Variants in CYSTM1 observed in about 807,000 individuals in gnomAD.
CYSTM1 encodes cysteine rich transmembrane module containing 1, also known as cysteine-rich transmembrane module-containing protein 1.
In CYSTM1, 4 loss-of-function variants were observed where a neutral mutation model predicts 13.1. The ratio of observed to expected loss-of-function variants is 0.31; its 90% CI spans 0.15 to 0.70. The LOEUF (loss-of-function observed/expected upper bound fraction) is 0.70, where lower values mean the gene tolerates loss of function less well. Among genes scored for constraint, CYSTM1 ranks in the 30% least tolerant of loss-of-function variants. CYSTM1 has a pLI of 0.72. For synonymous variants in CYSTM1, 36 were observed against 42.7 expected (o/e 0.84, Z 0.62); for missense variants, 96 against 121.6 (o/e 0.79, Z 0.99).
chr5:140,222,898 A>G (rs1764507790), intron 2 of CYSTM1, among the ~76,000 whole-genome samples: 1 of 152,232 alleles, frequency 6.6e-6, no homozygotes, highest in African/African-American at 2.4e-5. Flanking sequence ...TAGCAGAAGT[A>G]AAAAGGAAAA....
chr5:140,195,491 A>G (rs13167094), intron 2 of CYSTM1, among the ~76,000 whole-genome samples: 34,321 of 144,528 alleles, frequency 0.24, 4,115 homozygotes, highest in African/African-American at 0.28. Context: ...GCCCAGGCTG[A>G]AGTGCAGTGG....
chr5:140,234,595 CCA>C (rs1418291210), intron 2 of CYSTM1, among the ~76,000 whole-genome samples: 2 of 152,124 alleles, frequency 1.3e-5, no homozygotes, highest in Non-Finnish European at 2.9e-5. Context: ...TGTAATTATT[CCA>C]CAGTTAAAGC....
chr5:140,186,687 C>G (rs1764018602), intron 1 of CYSTM1, among the ~76,000 whole-genome samples: 1 of 152,176 alleles, frequency 6.6e-6, no homozygotes, highest in Non-Finnish European at 1.5e-5. Flanking sequence ...TCAGCAGCAC[C>G]TGGAACCCAG....
intron 2 of CYSTM1, among the ~76,000 whole-genome samples, chr5:140,196,009 A>C (rs892976462): frequency 7.5e-6 from 1 of 133,306 alleles, no homozygotes; most frequent in African/African-American, 2.9e-5. Flanking sequence ...CACACCATGC[A>C]CTCTAGCCTG....
intron 1 of CYSTM1, among the ~76,000 whole-genome samples, chr5:140,192,397 T>G (rs535405619): frequency 6.6e-6 from 1 of 152,196 alleles, no homozygotes; most frequent in East Asian, 1.9e-4. Flanking sequence ...CCAGAAGGGT[T>G]CATTACCTTA....
intron 1 of CYSTM1, among the ~76,000 whole-genome samples, chr5:140,187,905 A>G (rs975975742): frequency 6.8e-6 from 1 of 146,758 alleles, no homozygotes; most frequent in Non-Finnish European, 1.5e-5. Context: ...GTGTCTTGTG[A>G]AAAAAAAAAA....
intron 1 of CYSTM1, among the ~76,000 whole-genome samples, chr5:140,179,911 C>T (rs1427153604): frequency 2.6e-5 from 4 of 152,156 alleles, no homozygotes; most frequent in African/African-American, 9.7e-5. Flanking sequence ...GATCCACCCG[C>T]CTCAGCCTCC....
intron 2 of CYSTM1, among the ~76,000 whole-genome samples, chr5:140,222,283 T>A (rs1764501049): frequency 6.6e-6 from 1 of 152,210 alleles, no homozygotes; most frequent in Non-Finnish European, 1.5e-5. Context: ...TATACAACAT[T>A]TAGAATTATT....
intron 2 of CYSTM1, chr5:140,201,184 G>A (rs1764221110): frequency 6.6e-6 from 1 of 152,220 alleles, no homozygotes; most frequent in African/African-American, 2.4e-5. Flanking sequence ...CTGGAGGAAT[G>A]GCATGTGAAT....
chr5:140,192,042 G>A (rs557330634), intron 1 of CYSTM1, among the ~76,000 whole-genome samples: 3 of 152,108 alleles, frequency 2.0e-5, no homozygotes, highest in Non-Finnish European at 4.4e-5. Flanking sequence ...CTTTTTTCCT[G>A]AGTCCCTTTC....
At chr5:140,177,078 A>AAAAAAAAAAAAAC (rs10679899) in intron 1 of CYSTM1, among the ~76,000 whole-genome samples, 15,550 of 134,726 alleles carry the variant, frequency 0.12, 1,430 homozygotes, top group East Asian at 0.15. Context: ...CAAAAAAAAA[A>AAAAAAAAAAAAAC]AAAAAAAAAT....
intron 1 of CYSTM1, among the ~76,000 whole-genome samples, chr5:140,193,844 G>T (rs937297654): frequency 9.2e-5 from 14 of 152,200 alleles, no homozygotes; most frequent in African/African-American, 3.1e-4. Flanking sequence ...TATAAACAGC[G>T]CTGTCCAACT....
intron 2 of CYSTM1, among the ~76,000 whole-genome samples, chr5:140,227,382 T>A (rs1465953642): frequency 6.6e-6 from 1 of 152,080 alleles, no homozygotes; most frequent in African/African-American, 2.4e-5. Context: ...CCTCTCTGGT[T>A]TGAGCTCCTT....
In CYSTM1 at chr5:140,239,601, G is replaced by A. The variant is rs1449106558; in HGVS notation, c.188-3704G>A. ...GCTCAGCTCTTCCCAAAGCTGCTGC[G>A]CACCTGAGACCCAGGGCTTCCTGGG... On this transcript the variant is annotated intron_variant, in intron 2 of 2. Coordinates refer to ENST00000261811, the MANE Select transcript of CYSTM1 (RefSeq NM_032412.4). The surrounding 1 kb of genome is among the most constrained non-coding windows in gnomAD (Gnocchi z 5.4). Among the ~76,000 whole-genome samples the A allele has an allele frequency of 2.0e-5, 3 of 152,208 alleles. No individual in the cohort carries two copies. Among genetic ancestry groups the A allele is most frequent in the Non-Finnish European group, 4.4e-5 (3 of 68,026 alleles).
intron 2 of CYSTM1, among the ~76,000 whole-genome samples, chr5:140,242,961 G>T (rs1253201879): frequency 6.6e-6 from 1 of 152,144 alleles, no homozygotes; most frequent in Non-Finnish European, 1.5e-5. Context: ...CCCAAGAAAT[G>T]ACCCCCAGTT....
chr5:140,182,575 A>G (rs976686856), intron 1 of CYSTM1, among the ~76,000 whole-genome samples: 4 of 150,984 alleles, frequency 2.6e-5, no homozygotes, highest in African/African-American at 9.8e-5. Context: ...GTGCTCTTAG[A>G]AAACTCAGAT....
rs936965487 is a variant in CYSTM1, at chr5:140,219,286, TA to T, written c.188-24018del. On this transcript the variant is annotated intron_variant, in intron 2 of 2. Transcript: ENST00000261811. The surrounding 1 kb of genome is among the most constrained non-coding windows in gnomAD (Gnocchi z 4.1). The stretch of plus-strand genomic sequence containing the variant: ...GTCAGCTTGTGTTACAAAACAGTGT[TA>T]CGAAACAGCAGGAATTGCGGTGGAT... Among the ~76,000 whole-genome samples the T allele has an allele frequency of 8.5e-4, 130 of 152,280 alleles. No individual in the cohort carries two copies. Among genetic ancestry groups the T allele is most frequent in the African/African-American group, 3.0e-3 (126 of 41,544 alleles).
chr5:140,206,077 T>C (rs1308456423), intron 2 of CYSTM1, among the ~76,000 whole-genome samples: 1 of 152,148 alleles, frequency 6.6e-6, no homozygotes, highest in Non-Finnish European at 1.5e-5. Context: ...CGCCCTCTGC[T>C]CCACCTTCCC....
Position 140,175,802 on chromosome 5 carries a change from G to C in CYSTM1, c.-21+517G>C, listed in dbSNP as rs1193930383. On this transcript the variant is annotated intron_variant, in intron 1 of 2. Coordinates refer to ENST00000261811, the MANE Select transcript of CYSTM1 (RefSeq NM_032412.4). This position sits in a 1 kb window ranked among gnomAD's most constrained non-coding sequence, Gnocchi z 4.9. ...GGAAGTAACTAGGGAACGCAAAGCC[G>C]GCGCTCGGAGGCCGGGGTGTTCAGA... 3.3e-5 allele frequency among the ~76,000 whole-genome samples: 5 copies of C among 152,240 alleles called. No individual in the cohort carries two copies. Among genetic ancestry groups the C allele is most frequent in the Non-Finnish European group, 5.9e-5 (4 of 68,048 alleles).
Sources: allele counts gnomAD v4.1 joint callset (sites outside exome capture counted in the v4.1 genomes callset), GRCh38; gene constraint gnomAD v4.1.1; non-coding constraint Gnocchi (gnomAD v3.1); transcripts MANE v1.5; gene names NCBI Gene and HGNC (gene_info 2026-07-23, HGNC 2026-07-21).